SYNJ2: variants seen among roughly 807,000 people sequenced by gnomAD.
SYNJ2 encodes the protein synaptojanin 2.
SYNJ2 carries 116 observed loss-of-function variants against 141.3 expected under a neutral mutation model. The observed-to-expected ratio is 0.82, with a 90% CI of 0.71 to 0.96. The LOEUF (loss-of-function observed/expected upper bound fraction) is 0.96, where lower values mean the gene tolerates loss of function less well. Ranked by LOEUF, SYNJ2 falls within the 40% of genes least tolerant of loss-of-function variation. The pLI is 0.00. For synonymous variants in SYNJ2, 745 were observed against 777.7 expected, an observed-to-expected ratio of 0.96 and a Z score of 0.70; for missense variants, 1,873 against 1,934.8, an observed-to-expected ratio of 0.97 and a Z score of 0.60.
rs183683559 is a variant in SYNJ2 at position 158,078,588 on chromosome 6, A to G, written c.2567+307A>G. On this transcript the variant is annotated intron_variant, in intron 18 of 26. Transcript: ENST00000355585. ...TTTTCTTAAATGATGTCGTTGTGCA[A>G]CTTGCTTTTTTGTTACTATTTTTGA... is the stretch of plus-strand genomic sequence containing the variant. 22 of 220,734 alleles carry G rather than the reference A, an allele frequency of 1.0e-4. No homozygotes were observed. In the Admixed American group the frequency reaches 1.0e-3, roughly 10 times the overall value. The allele number at this position is 220,734 out of a possible 1,614,324, so 13.7% of individuals were successfully genotyped here.
chr6:157,991,747 A>C (rs774066598), intron 1 of SYNJ2, among the ~76,000 whole-genome samples: 4 of 152,244 alleles, frequency 2.6e-5, no homozygotes, highest in Non-Finnish European at 5.9e-5. Flanking sequence ...GATGGCTTTG[A>C]GGTCTCAGCT....
intron 3 of SYNJ2, among the ~76,000 whole-genome samples, chr6:158,033,046 ATAAAAGATGAT>A (rs1779449961): frequency 6.6e-6 from 1 of 152,246 alleles, no homozygotes; most frequent in African/African-American, 2.4e-5. Context: ...TTGTTTAATA[ATAAAAGATGAT>A]TAATTTTTTA....
chr6:158,026,239 T>C (rs1321832987), intron 2 of SYNJ2, among the ~76,000 whole-genome samples: 4 of 151,584 alleles, frequency 2.6e-5, no homozygotes, highest in Non-Finnish European at 5.9e-5. Context: ...TGCAAGGAGG[T>C]GTAATTAGGA....
intron 13 of SYNJ2, 47 bp from the exon 14 acceptor site, chr6:158,069,486 G>A (rs1447589613): frequency 6.9e-6 from 11 of 1,584,624 alleles, no homozygotes. Context: ...GGAGATAGAT[G>A]TACTTCCAGC....
At chr6:158,022,373 G>A (rs1055304384) in intron 2 of SYNJ2, among the ~76,000 whole-genome samples, 1 of 152,178 alleles carries the variant, frequency 6.6e-6, no homozygotes. Flanking sequence ...CCCGGTAAAC[G>A]GGGCCTTGGG....
chr6:158,029,220 C>T, intron 3 of SYNJ2, 194 bp downstream of exon 3: 1 of 677,516 alleles, frequency 1.5e-6, no homozygotes, highest in Non-Finnish European at 2.4e-6. Flanking sequence ...CACCCCCCAC[C>T]CCTGGCCCCT....
rs965973331 is a variant in SYNJ2 at position 158,070,935 on chromosome 6, C to G, written c.1941-667C>G. Among the ~76,000 whole-genome samples the G allele has an allele frequency of 6.6e-6, 1 of 152,200 alleles. No homozygotes were observed. The highest frequency in any genetic ancestry group is 2.4e-5 in the African/African-American group (1 of 41,440). ...CGGTGTCTCACGCCTGTAATCCCAG[C>G]ACTTTGGGAGGCCAAGGCAGGCAGA... On this transcript the variant is annotated intron_variant, in intron 14 of 26. Transcript: ENST00000355585. This position sits in a 1 kb window ranked among gnomAD's most constrained non-coding sequence, Gnocchi z 4.0.
chr6:158,026,660 G>A (rs1296017368), intron 2 of SYNJ2, among the ~76,000 whole-genome samples: 1 of 152,198 alleles, frequency 6.6e-6, no homozygotes, highest in East Asian at 1.9e-4. Flanking sequence ...CAGGCACTCA[G>A]GCCCCCCACA....
chr6:158,074,822 T>TCCAC, intron 16 of SYNJ2, 84 bp downstream of exon 16: 1 of 1,507,942 alleles, frequency 6.6e-7, no homozygotes, highest in Non-Finnish European at 9.0e-7. Context: ...GTGCAGCAAA[T>TCCAC]TCAGTTCCGT....
At chr6:157,991,695 A>G (rs1777432336) in intron 1 of SYNJ2, among the ~76,000 whole-genome samples, 1 of 152,234 alleles carries the variant, frequency 6.6e-6, no homozygotes, top group South Asian at 2.1e-4. Context: ...CCACTCAGAA[A>G]TGCAAATCTT....
Position 158,017,234 on chromosome 6 carries a change from A to G in SYNJ2, c.158A>G (p.Gln53Arg). Residue 53 changes from glutamine to arginine, a missense_variant, in exon 2 of 27, where the codon CAG (glutamine) becomes CGG (arginine). Transcript: ENST00000355585. Reference protein sequence around the residue: ...APEEKEVIKGQYGKLTDAYGC... With the variant: ...APEEKEVIKGRYGKLTDAYGC... ...GAAGAAAAGGAAGTCATTAAAGGAC[A>G]GTATGGCAAGCTCACGGACGCGTAC... 1.9e-6 allele frequency: 3 copies of G among 1,613,320 alleles called. No homozygotes were observed. Among genetic ancestry groups the G allele is most frequent in the Non-Finnish European group, 1.7e-6 (2 of 1,179,942 alleles).
In SYNJ2 at chr6:158,091,619, C is replaced by T. The variant is rs1365183820; in HGVS notation, c.3566-1307C>T. ...AAAAAATTAGCCGGGCGTGGTGGCA[C>T]GTGCCTGTTAGTCCCAGTTACTCGG... On this transcript the variant is annotated intron_variant, in intron 25 of 26. Coordinates refer to ENST00000355585, the MANE Select transcript of SYNJ2 (RefSeq NM_003898.4). Among the ~76,000 whole-genome samples, 6 of 151,824 alleles carry T rather than the reference C, an allele frequency of 4.0e-5. No individual in the cohort carries two copies. The South Asian group carries it at 6.2e-4, about 16-fold the overall frequency.
At chr6:158,078,438 C>T in intron 18 of SYNJ2, 157 bp downstream of exon 18, 1 of 545,214 alleles carries the variant, frequency 1.8e-6, no homozygotes, top group Non-Finnish European at 3.3e-6. Flanking sequence ...AATGATGGAA[C>T]AAATATCTGT....
chr6:158,072,061 T>G (rs1174551478), intron 15 of SYNJ2, among the ~76,000 whole-genome samples: 3 of 152,230 alleles, frequency 2.0e-5, no homozygotes, highest in African/African-American at 7.2e-5. Flanking sequence ...GATTTGTATG[T>G]GTGCATTTTC....
rs569249377 is a variant in SYNJ2 at position 157,991,043 on chromosome 6, C to A, written c.127+8955C>A. Among the ~76,000 whole-genome samples the A allele has an allele frequency of 2.0e-5, 3 of 152,312 alleles. No homozygotes were observed. The South Asian group carries it at 6.2e-4, about 32-fold the overall frequency. Reference sequence around the variant, plus strand: ...CTCTTTTTCAGCTGCAAAGTCAATACCTTTGCTTTCAGAGAGGGAGCATGT... The same window carrying A: ...CTCTTTTTCAGCTGCAAAGTCAATAACTTTGCTTTCAGAGAGGGAGCATGT... On this transcript the variant is annotated intron_variant, in intron 1 of 26. Transcript: ENST00000355585.
intron 1 of SYNJ2, among the ~76,000 whole-genome samples, chr6:158,014,798 G>C (rs560990556): frequency 6.6e-6 from 1 of 152,272 alleles, no homozygotes; most frequent in African/African-American, 2.4e-5. Context: ...TGAGGCAGGA[G>C]CAGCCAGTCC....
rs201803917 is a variant in SYNJ2 at position 158,064,921 on chromosome 6, G to A, written c.1455G>A (p.Leu485=). The A allele has an allele frequency of 4.3e-6, 7 of 1,613,642 alleles. No homozygotes were observed. The highest frequency in any genetic ancestry group is 5.1e-6 in the Non-Finnish European group (6 of 1,179,882). The change falls in exon 11 of 27, where the codon CTG becomes CTA. Residue 485 remains leucine (L), a synonymous_variant. Coordinates refer to ENST00000355585, the MANE Select transcript of SYNJ2 (RefSeq NM_003898.4). The part of the protein sequence containing the change: ...GVKQEAIKLL[L]VGDVYGEEVA... ...AGCAGGAGGCCATCAAGCTGCTGCTGGTTGGGGACGTCTACGGCGAGGAGG... is the reference window on the plus strand; with the variant it reads ...AGCAGGAGGCCATCAAGCTGCTGCTAGTTGGGGACGTCTACGGCGAGGAGG...
In SYNJ2 at chr6:157,982,725, TACGTG is replaced by T. The variant is rs1361303529; in HGVS notation, c.127+639_127+643del. 1.3e-5 allele frequency among the ~76,000 whole-genome samples: 2 copies of T among 152,246 alleles called. No homozygotes were observed. Among genetic ancestry groups the T allele is most frequent in the Non-Finnish European group, 1.5e-5 (1 of 68,040 alleles). ...ACTGGCATTGTGCTATGGGCTTTAG[TACGTG>T]ATCTCACTTAATTCTCACAATTCTA... is the stretch of plus-strand genomic sequence containing the variant. On this transcript the variant is annotated intron_variant, in intron 1 of 26. Coordinates refer to ENST00000355585, the MANE Select transcript of SYNJ2 (RefSeq NM_003898.4). The surrounding 1 kb of genome is among the most constrained non-coding windows in gnomAD (Gnocchi z 4.0).
chr6:158,074,187 C>G (rs1782122599), intron 15 of SYNJ2, among the ~76,000 whole-genome samples: 1 of 152,138 alleles, frequency 6.6e-6, no homozygotes, highest in African/African-American at 2.4e-5. Flanking sequence ...CTGAGCATTT[C>G]TGCTGCTCTT....
Sources: gnomAD v4.1 joint callset for allele counts (sites outside exome capture counted in the v4.1 genomes callset) on GRCh38, gnomAD v4.1.1 for gene constraint, Gnocchi (gnomAD v3.1) non-coding constraint, MANE v1.5 for transcripts, NCBI Gene and HGNC (gene_info 2026-07-23, HGNC 2026-07-21) for gene names.